The following TRPS1 variants were observed in gnomAD, a reference collection of about 807,000 sequenced individuals.
TRPS1 encodes transcriptional repressor GATA binding 1.
A neutral mutation model predicts 101.2 loss-of-function variants in TRPS1; 6 were observed. The ratio of observed to expected loss-of-function variants is 0.06; its 90% CI spans 0.03 to 0.12. TRPS1 has a LOEUF of 0.12. Ranked by LOEUF, TRPS1 falls within the 10% of genes least tolerant of loss-of-function variation. The probability of loss-of-function intolerance (pLI) is 1.00; values close to 1 mark genes in which losing one functional copy is unlikely to be tolerated. For synonymous variants in TRPS1, 578 were observed against 589.8 expected (o/e 0.98, Z 0.29); for missense variants, 1,363 against 1,567.0 (o/e 0.87, Z 2.20).
chr8:115,489,834 C>A (rs537350307), intron 5 of TRPS1, among the ~76,000 whole-genome samples: 1 of 151,902 alleles, frequency 6.6e-6, no homozygotes. Context: ...AATATCTTAC[C>A]ATTTTTAAAC....
intron 1 of TRPS1, 76 bp from the exon 2 acceptor site, chr8:115,623,834 T>C: frequency 7.6e-7 from 1 of 1,322,484 alleles, no homozygotes; most frequent in South Asian, 1.8e-5. Context: ...ACCTAAAATA[T>C]ATTAATATGC....
chr8:115,667,950 G>GCGT (rs1811964494), intron 1 of TRPS1: 2 of 1,530,488 alleles, frequency 1.3e-6, no homozygotes, highest in Non-Finnish European at 1.8e-6. Flanking sequence ...GGCGGCGGCG[G>GCGT]CGGCCCCTCG....
At chr8:115,481,864 T>A (rs1230228435) in intron 5 of TRPS1, among the ~76,000 whole-genome samples, 1 of 152,140 alleles carries the variant, frequency 6.6e-6, no homozygotes, top group Admixed American at 6.5e-5. Flanking sequence ...CCCTGTGAGA[T>A]AAGGTAATGC....
rs369111954 is a variant in TRPS1 at position 115,494,373 on chromosome 8, T to C, written c.2701-75921A>G. On this transcript the variant is annotated intron_variant, in intron 5 of 6. Transcript: ENST00000395715. ...AAATAGTATTATACTACCTGGCCACTATTAATGCCTGAAACTTGCTGCAAC... is the reference window on the plus strand; with the variant it reads ...AAATAGTATTATACTACCTGGCCACCATTAATGCCTGAAACTTGCTGCAAC... Among the ~76,000 whole-genome samples, 66 of 152,330 alleles carry C rather than the reference T, an allele frequency of 4.3e-4. 1 individual carries two copies. The highest frequency in any genetic ancestry group is 1.6e-3 in the African/African-American group (65 of 41,568).
intron 5 of TRPS1, among the ~76,000 whole-genome samples, chr8:115,495,540 T>TTTCCTA (rs1327577640): frequency 1.3e-5 from 2 of 151,130 alleles, no homozygotes; most frequent in Admixed American, 6.6e-5. Flanking sequence ...CAGAATCCTT[T>TTTCCTA]TTCCTATTCC....
At chr8:115,586,716 C>G (rs1284377961) in intron 5 of TRPS1, among the ~76,000 whole-genome samples, 1 of 152,162 alleles carries the variant, frequency 6.6e-6, no homozygotes, top group African/African-American at 2.4e-5. Flanking sequence ...CAAATATGGC[C>G]TTGTTGTTTT....
chr8:115,461,893 G>A (rs1291145849), intron 5 of TRPS1, among the ~76,000 whole-genome samples: 6 of 151,900 alleles, frequency 3.9e-5, no homozygotes, highest in Non-Finnish European at 8.8e-5. Context: ...ATAATATAAC[G>A]AAAGTAAAAT....
At chr8:115,502,460 C>G (rs1231193178) in intron 5 of TRPS1, among the ~76,000 whole-genome samples, 1 of 152,152 alleles carries the variant, frequency 6.6e-6, no homozygotes, top group Non-Finnish European at 1.5e-5. Flanking sequence ...AAAAGAGAAG[C>G]TACCAGTACA....
chr8:115,415,325 A>G (rs968210587), intron 6 of TRPS1, among the ~76,000 whole-genome samples: 1 of 152,164 alleles, frequency 6.6e-6, no homozygotes, highest in Non-Finnish European at 1.5e-5. Context: ...ACTTTAATCT[A>G]CTTGAAAATA....
At chr8:115,492,482 CGTGCGT>C (rs11276887) in intron 5 of TRPS1, among the ~76,000 whole-genome samples, 46,368 of 141,186 alleles carry the variant, frequency 0.33, 8,746 homozygotes, top group Non-Finnish European at 0.46. Context: ...TGTGTGTGTG[CGTGCGT>C]GTGCGTGTTC....
chr8:115,557,964 G>A (rs540323254), intron 5 of TRPS1, among the ~76,000 whole-genome samples: 4 of 151,854 alleles, frequency 2.6e-5, no homozygotes, highest in African/African-American at 9.7e-5. Context: ...TACTTGTAAC[G>A]TTCATAATTA....
intron 5 of TRPS1, among the ~76,000 whole-genome samples, chr8:115,579,351 A>T (rs1486030238): frequency 6.6e-6 from 1 of 152,090 alleles, no homozygotes; most frequent in Non-Finnish European, 1.5e-5. Flanking sequence ...TGTGTTACCC[A>T]ATGTATATAG....
intron 5 of TRPS1, among the ~76,000 whole-genome samples, chr8:115,445,945 T>C (rs903676298): frequency 6.6e-6 from 1 of 152,166 alleles, no homozygotes; most frequent in African/African-American, 2.4e-5. Flanking sequence ...GATGAATATA[T>C]TTATTATGAA....
chr8:115,499,968 C>CTTTCT (rs1563555777), intron 5 of TRPS1, among the ~76,000 whole-genome samples: 12 of 95,950 alleles, frequency 1.3e-4, no homozygotes, highest in African/African-American at 5.2e-4. Context: ...TCTTTCTTTT[C>CTTTCT]TTTTCTTTTC....
At chr8:115,453,740 A>G (rs2129939086) in intron 5 of TRPS1, among the ~76,000 whole-genome samples, 1 of 152,314 alleles carries the variant, frequency 6.6e-6, no homozygotes, top group South Asian at 2.1e-4. Context: ...AAGACTATCC[A>G]CTTCTAAAGT....
chr8:115,532,110 C>T (rs1345002638), intron 5 of TRPS1, among the ~76,000 whole-genome samples: 1 of 152,020 alleles, frequency 6.6e-6, no homozygotes, highest in Non-Finnish European at 1.5e-5. Flanking sequence ...ACATACAAAA[C>T]GATATACAGA....
chr8:115,463,301 C>T (rs1232449026), intron 5 of TRPS1, among the ~76,000 whole-genome samples: 3 of 152,082 alleles, frequency 2.0e-5, no homozygotes. Flanking sequence ...AAAGCCTGTA[C>T]ATAAAAATTA....
chr8:115,605,678 A>T (rs957313151), intron 3 of TRPS1, among the ~76,000 whole-genome samples: 3 of 152,218 alleles, frequency 2.0e-5, no homozygotes, highest in Non-Finnish European at 4.4e-5. Context: ...AACAAAAAAA[A>T]AGAAAAATCT....
At chr8:115,504,853 T>C (rs78473132) in intron 5 of TRPS1, among the ~76,000 whole-genome samples, 4,997 of 152,126 alleles carry the variant, frequency 0.033, 264 homozygotes, top group African/African-American at 0.11. Flanking sequence ...GAAAACAAAA[T>C]GAAAACTCTT....
Sources: gnomAD v4.1 joint callset for allele counts (sites outside exome capture counted in the v4.1 genomes callset) on GRCh38, gnomAD v4.1.1 for gene constraint, MANE v1.5 for transcripts, NCBI Gene and HGNC (gene_info 2026-07-23, HGNC 2026-07-21) for gene names.